Variants in EFCAB11 observed in about 807,000 individuals in gnomAD.
The protein encoded by EFCAB11 is EF-hand calcium binding domain 11, also known as EF-hand calcium-binding domain-containing protein 11.
EFCAB11 carries 14 observed loss-of-function variants against 23.0 expected under a neutral mutation model. The observed-to-expected ratio is 0.61, with a 90% CI of 0.40 to 0.95. EFCAB11 has a LOEUF of 0.95. EFCAB11 is among the 40% of genes least tolerant of loss of function. The pLI, the probability that EFCAB11 is intolerant of heterozygous loss-of-function variation, is 0.00. For synonymous variants in EFCAB11, 65 were observed against 66.6 expected (o/e 0.98, Z 0.11); for missense variants, 198 against 195.8 (o/e 1.01, Z -0.07).
chr14:89,841,871 C>G (rs1388269850), intron 5 of EFCAB11, among the ~76,000 whole-genome samples: 1 of 152,118 alleles, frequency 6.6e-6, no homozygotes. Flanking sequence ...GTTGACGGCT[C>G]TCTCCTCTGT....
chr14:89,954,501 CAG>C lies in EFCAB11; in HGVS notation c.75+83_75+84del, dbSNP rs1436540780. 5 of 1,567,590 alleles carry C rather than the reference CAG, an allele frequency of 3.2e-6. No individual in the cohort carries two copies. The African/African-American group carries it at 5.4e-5, about 17-fold the overall frequency. On this transcript the variant is annotated intron_variant, in intron 1 of 5. Coordinates refer to ENST00000316738, the MANE Select transcript of EFCAB11 (RefSeq NM_145231.4). ...GCCCAGGTCTTATCTGCACACCCGGCAGAGTGAGACCCAGACACGGGAGAGGA... is the reference window on the plus strand; with the variant it reads ...GCCCAGGTCTTATCTGCACACCCGGCAGTGAGACCCAGACACGGGAGAGGA...
chr14:89,885,592 G>A lies in EFCAB11; in HGVS notation c.410+45949C>T, dbSNP rs182105402. Among the ~76,000 whole-genome samples the A allele has an allele frequency of 7.2e-5, 11 of 151,886 alleles. No individual in the cohort carries two copies. The East Asian group carries it at 1.5e-3, about 21-fold the overall frequency. ...ACTTGGAGGCTGGGGCAGAAGAATC[G>A]CTTGAACCTGGGAGGTGGAGGTTGC... On this transcript the variant is annotated intron_variant, in intron 5 of 5. Coordinates refer to ENST00000316738, the MANE Select transcript of EFCAB11 (RefSeq NM_145231.4).
rs140249895 is a variant in EFCAB11 at position 89,909,014 on chromosome 14, G to A, written c.410+22527C>T. On this transcript the variant is annotated intron_variant, in intron 5 of 5. Coordinates refer to ENST00000316738, the MANE Select transcript of EFCAB11 (RefSeq NM_145231.4). ...AAGCCTGGATCCAGTTGGTGCTCCAGATGACACATTTAGTGTAGAGTAAGA... is the reference window on the plus strand; with the variant it reads ...AAGCCTGGATCCAGTTGGTGCTCCAAATGACACATTTAGTGTAGAGTAAGA... Among the ~76,000 whole-genome samples the A allele has an allele frequency of 6.6e-3, 1,001 of 152,324 alleles. 7 individuals carry two copies. Among genetic ancestry groups the A allele is most frequent in the African/African-American group, 0.023 (943 of 41,568 alleles).
chr14:89,949,887 GC>G (rs892706166), intron 3 of EFCAB11, among the ~76,000 whole-genome samples: 2 of 151,956 alleles, frequency 1.3e-5, no homozygotes, highest in Middle Eastern at 3.2e-3. Context: ...GTGCAGGGAA[GC>G]CCCCCCTTAT....
At chr14:89,804,209 CCTT>C (rs1287951972) in intron 5 of EFCAB11, among the ~76,000 whole-genome samples, 1 of 152,232 alleles carries the variant, frequency 6.6e-6, no homozygotes, top group African/African-American at 2.4e-5. Flanking sequence ...AGTGTTAAGG[CCTT>C]CTTCATGCAC....
At chr14:89,887,551 G>A (rs1044471805) in intron 5 of EFCAB11, among the ~76,000 whole-genome samples, 8 of 152,150 alleles carry the variant, frequency 5.3e-5, no homozygotes, top group Non-Finnish European at 1.2e-4. Flanking sequence ...GACTCCTTAT[G>A]TGGTATTTAA....
intron 5 of EFCAB11, among the ~76,000 whole-genome samples, chr14:89,849,108 A>C (rs956132172): frequency 6.6e-6 from 1 of 152,144 alleles, no homozygotes. Context: ...CCAATGTTTT[A>C]ATCTTGTGAA....
At chr14:89,913,414 A>G (rs983657787) in intron 5 of EFCAB11, among the ~76,000 whole-genome samples, 2 of 152,224 alleles carry the variant, frequency 1.3e-5, no homozygotes, top group South Asian at 2.1e-4. Flanking sequence ...ATCCAGGTCT[A>G]TGTAACCTTG....
At position 89,800,903 on chromosome 14, in the gene EFCAB11, C is replaced by T. The variant is rs183625609; in HGVS notation, c.411-3579G>A. Among the ~76,000 whole-genome samples, 372 of 152,000 alleles carry T rather than the reference C, an allele frequency of 2.4e-3. 2 individuals are homozygous for T. The highest frequency in any genetic ancestry group is 8.3e-3 in the African/African-American group (344 of 41,488). On this transcript the variant is annotated intron_variant, in intron 5 of 5. Coordinates refer to ENST00000316738, the MANE Select transcript of EFCAB11 (RefSeq NM_145231.4). ...ATTAAAAAGGCAAAAATTAGACAGGCGTGGTGGCATGTGCCTGTAATCCCA... is the reference window on the plus strand; with the variant it reads ...ATTAAAAAGGCAAAAATTAGACAGGTGTGGTGGCATGTGCCTGTAATCCCA...
intron 5 of EFCAB11, among the ~76,000 whole-genome samples, chr14:89,907,786 A>G (rs533980873): frequency 1.3e-5 from 2 of 152,294 alleles, no homozygotes; most frequent in South Asian, 2.1e-4. Flanking sequence ...TGTGTTTCCA[A>G]TGTGGAGTCA....
At chr14:89,946,682 G>T (rs953219057) in intron 3 of EFCAB11, among the ~76,000 whole-genome samples, 11 of 151,436 alleles carry the variant, frequency 7.3e-5, no homozygotes, top group African/African-American at 1.5e-4. Flanking sequence ...AAGGGATCCT[G>T]CCTCAGCCTC....
chr14:89,889,430 C>T (rs1415426976), intron 5 of EFCAB11, among the ~76,000 whole-genome samples: 2 of 152,140 alleles, frequency 1.3e-5, no homozygotes, highest in Non-Finnish European at 2.9e-5. Flanking sequence ...GAGGATGAAA[C>T]GAGTAAAGGG....
intron 5 of EFCAB11, among the ~76,000 whole-genome samples, chr14:89,853,848 G>A (rs546154038): frequency 1.3e-5 from 2 of 152,206 alleles, no homozygotes; most frequent in Non-Finnish European, 2.9e-5. Flanking sequence ...GATAATTAAA[G>A]ACAGAAGAGT....
intron 5 of EFCAB11, among the ~76,000 whole-genome samples, chr14:89,842,637 G>GATATA (rs1555372123): frequency 0.079 from 3,894 of 49,040 alleles, 137 homozygotes; most frequent in African/African-American, 0.13. Context: ...GATATGATAT[G>GATATA]ATATAATATA....
In EFCAB11 at chr14:89,886,661, G is replaced by A. The variant is rs1311872741; in HGVS notation, c.410+44880C>T. ...GACAAATATTAAGACAAGATAAAGG[G>A]AAGTGGCTGAAATGCAAGTGTTACA... On this transcript the variant is annotated intron_variant, in intron 5 of 5. Transcript: ENST00000316738. Among the ~76,000 whole-genome samples the A allele has an allele frequency of 2.6e-5, 4 of 151,950 alleles. No individual in the cohort carries two copies. In the East Asian group the frequency reaches 7.7e-4, roughly 29 times the overall value.
At chr14:89,881,477 T>A (rs1888601236) in intron 5 of EFCAB11, among the ~76,000 whole-genome samples, 1 of 14,436 alleles carries the variant, frequency 6.9e-5, no homozygotes, top group Non-Finnish European at 2.1e-4. Flanking sequence ...TCTTTTTTTT[T>A]TTCTTTGTCA....
intron 5 of EFCAB11, among the ~76,000 whole-genome samples, chr14:89,901,551 A>G (rs1040979904): frequency 4.6e-5 from 7 of 152,222 alleles, no homozygotes; most frequent in Admixed American, 4.6e-4. Context: ...ATGGGAAAGA[A>G]ACATGAAAAG....
rs1230809716 is a variant in EFCAB11 at position 89,819,899 on chromosome 14, T to TA, written c.411-22576dup. ...ATAAAAATGTAAAAAATAATTTAGA[T>TA]AAAAAATCATTTATACCATTATCTT... On this transcript the variant is annotated intron_variant, in intron 5 of 5. Coordinates refer to ENST00000316738, the MANE Select transcript of EFCAB11 (RefSeq NM_145231.4). 7.6e-4 allele frequency among the ~76,000 whole-genome samples: 115 copies of TA among 152,288 alleles called. 2 individuals carry two copies. Among genetic ancestry groups the TA allele is most frequent in the Non-Finnish European group, 5.9e-5 (4 of 68,016 alleles).
intron 2 of EFCAB11, among the ~76,000 whole-genome samples, chr14:89,953,673 A>G (rs1891283339): frequency 6.6e-6 from 1 of 152,220 alleles, no homozygotes; most frequent in South Asian, 2.1e-4. Context: ...TATTTATAGT[A>G]GTTATTAGCA....
Sources: allele counts gnomAD v4.1 joint callset (sites outside exome capture counted in the v4.1 genomes callset), GRCh38; gene constraint gnomAD v4.1.1; transcripts MANE v1.5; gene names NCBI Gene and HGNC (gene_info 2026-07-23, HGNC 2026-07-21).